Variants in ERC2 observed in about 807,000 individuals in gnomAD.
ERC2 encodes ELKS/RAB6-interacting/CAST family member 2, also known as ERC protein 2.
Under a neutral mutation model 114.8 loss-of-function variants are expected in ERC2, and 42 were observed. The observed-to-expected ratio is 0.37, with a 90% CI of 0.29 to 0.47. ERC2 has a LOEUF of 0.47. Among genes scored for constraint, ERC2 ranks in the 20% least tolerant of loss-of-function variants. The pLI is 0.99. For synonymous variants in ERC2, 454 were observed against 425.5 expected (o/e 1.07, Z -0.82); for missense variants, 939 against 1,150.7 (o/e 0.82, Z 2.66).
intron 3 of ERC2, among the ~76,000 whole-genome samples, chr3:56,280,354 A>G (rs138789097): frequency 6.6e-6 from 1 of 152,320 alleles, no homozygotes; most frequent in East Asian, 1.9e-4. Flanking sequence ...TGTATTGTCT[A>G]AAACCACTAA....
In ERC2 at chr3:55,570,881, A is replaced by T. The variant is rs549008849; in HGVS notation, c.*40-59605T>A. On this transcript the variant is annotated intron_variant, in intron 17 of 17. Transcript: ENST00000288221. ...AGTGGCTCACGCCTGTAATCCCAGC[A>T]CTTTGGGAGGCTGAGGCGGGCGGAT... is the stretch of plus-strand genomic sequence containing the variant. 2.6e-3 allele frequency among the ~76,000 whole-genome samples: 390 copies of T among 152,266 alleles called. 2 individuals carry two copies. The highest frequency in any genetic ancestry group is 6.8e-3 in the Middle Eastern group (2 of 294).
chr3:55,820,160 C>T (rs2060068109), intron 14 of ERC2, among the ~76,000 whole-genome samples: 1 of 152,012 alleles, frequency 6.6e-6, no homozygotes, highest in Admixed American at 6.6e-5. Flanking sequence ...AGTGGAGCCC[C>T]ACATGGAGGG....
At chr3:56,232,288 AC>A (rs1313888268) in intron 3 of ERC2, among the ~76,000 whole-genome samples, 1 of 151,792 alleles carries the variant, frequency 6.6e-6, no homozygotes, top group African/African-American at 2.4e-5. Context: ...TTAATTATAA[AC>A]CAAAACAATC....
At chr3:55,893,319 C>T (rs1423375353) in intron 13 of ERC2, among the ~76,000 whole-genome samples, 1 of 152,100 alleles carries the variant, frequency 6.6e-6, no homozygotes, top group Non-Finnish European at 1.5e-5. Flanking sequence ...CTTGTGACTC[C>T]ATCCTAGAGG....
At chr3:55,561,672 C>T (rs576316228) in intron 17 of ERC2, among the ~76,000 whole-genome samples, 1 of 152,220 alleles carries the variant, frequency 6.6e-6, no homozygotes, top group South Asian at 2.1e-4. Flanking sequence ...GTGGGCTACT[C>T]GCTTTTTTTC....
chr3:56,116,503 G>A (rs1220465551), intron 6 of ERC2, among the ~76,000 whole-genome samples: 1 of 152,130 alleles, frequency 6.6e-6, no homozygotes, highest in East Asian at 1.9e-4. Flanking sequence ...TGTGCATTGG[G>A]ACACTACCAC....
intron 14 of ERC2, among the ~76,000 whole-genome samples, chr3:55,781,416 C>T (rs948820314): frequency 7.9e-5 from 12 of 152,092 alleles, no homozygotes; most frequent in Non-Finnish European, 1.8e-4. Flanking sequence ...TCCATATGAT[C>T]CTAATGGAAG....
At chr3:56,031,492 G>A (rs554282970) in intron 7 of ERC2, among the ~76,000 whole-genome samples, 3 of 152,344 alleles carry the variant, frequency 2.0e-5, no homozygotes, top group Admixed American at 2.0e-4. Flanking sequence ...CAGGCTAACA[G>A]GTGAAGGCCT....
chr3:55,838,048 A>T (rs779432298), intron 14 of ERC2, among the ~76,000 whole-genome samples: 3 of 152,072 alleles, frequency 2.0e-5, no homozygotes, highest in Non-Finnish European at 2.9e-5. Flanking sequence ...ACATTTATGT[A>T]CTTAATAATA....
chr3:56,210,727 C>T (rs527430318), intron 3 of ERC2, among the ~76,000 whole-genome samples: 99 of 152,286 alleles, frequency 6.5e-4, no homozygotes, highest in African/African-American at 2.2e-3. Context: ...GTAATATAAA[C>T]ATAAAATTAT....
chr3:56,314,100 C>T lies in ERC2; in HGVS notation c.658-17665G>A, dbSNP rs76044478. Reference sequence around the variant, plus strand: ...GTTTTAAAGATTTGATTTACTATCCCAAATTAAGATCTCTGACTATGACAT... The same window carrying T: ...GTTTTAAAGATTTGATTTACTATCCTAAATTAAGATCTCTGACTATGACAT... On this transcript the variant is annotated intron_variant, in intron 2 of 17. Coordinates refer to ENST00000288221, the MANE Select transcript of ERC2 (RefSeq NM_015576.3). Among the ~76,000 whole-genome samples the T allele has an allele frequency of 9.0e-3, 1,376 of 152,168 alleles. 18 individuals carry two copies. Among genetic ancestry groups the T allele is most frequent in the African/African-American group, 0.03 (1,254 of 41,504 alleles).
At chr3:55,904,339 A>C (rs1173236487) in intron 13 of ERC2, among the ~76,000 whole-genome samples, 2 of 152,232 alleles carry the variant, frequency 1.3e-5, no homozygotes, top group African/African-American at 4.8e-5. Flanking sequence ...TGATTGCTGC[A>C]CAAGTAAAGC....
intron 17 of ERC2, among the ~76,000 whole-genome samples, chr3:55,662,010 T>TA (rs1334441594): frequency 7.2e-5 from 11 of 152,202 alleles, no homozygotes; most frequent in African/African-American, 2.2e-4. Context: ...CTAAGGTTTT[T>TA]ATATATGAAG....
At chr3:55,514,123 G>A (rs985887753) in intron 17 of ERC2, among the ~76,000 whole-genome samples, 23 of 152,168 alleles carry the variant, frequency 1.5e-4, no homozygotes, top group Admixed American at 7.2e-4. Flanking sequence ...TCAACTAAGC[G>A]AGGTGGCACA....
chr3:56,122,254 C>T (rs560050859), intron 6 of ERC2, among the ~76,000 whole-genome samples: 32 of 152,074 alleles, frequency 2.1e-4, no homozygotes, highest in Non-Finnish European at 4.0e-4. Flanking sequence ...TATTGTATTT[C>T]GTATCCCATA....
intron 14 of ERC2, among the ~76,000 whole-genome samples, chr3:55,742,798 C>T (rs2066050546): frequency 6.6e-6 from 1 of 152,094 alleles, no homozygotes; most frequent in African/African-American, 2.4e-5. Flanking sequence ...GTTCATTTGC[C>T]TAAATTTTAA....
At chr3:56,432,252 T>C (rs538873208) in intron 2 of ERC2, among the ~76,000 whole-genome samples, 2 of 152,312 alleles carry the variant, frequency 1.3e-5, no homozygotes, top group Admixed American at 6.5e-5. Context: ...TGCTCAAAGA[T>C]AAACTTAATG....
chr3:56,140,297 G>A lies in ERC2; in HGVS notation c.1306-621C>T, dbSNP rs926180901. Among the ~76,000 whole-genome samples, 24 of 151,984 alleles carry A rather than the reference G, an allele frequency of 1.6e-4. 1 individual carries two copies. Among genetic ancestry groups the A allele is most frequent in the Admixed American group, 1.4e-3 (21 of 15,250 alleles). On this transcript the variant is annotated intron_variant, in intron 5 of 17. Coordinates refer to ENST00000288221, the MANE Select transcript of ERC2 (RefSeq NM_015576.3). ...CCATTTCTATCTCCTCCCCCCATTT[G>A]GAAATAATTACCACCCCAAATTTTG... is the stretch of plus-strand genomic sequence containing the variant.
intron 7 of ERC2, among the ~76,000 whole-genome samples, chr3:56,032,397 T>C (rs1050019540): frequency 5.3e-5 from 8 of 152,080 alleles, no homozygotes; most frequent in Admixed American, 5.2e-4. Context: ...ATGGGACTTA[T>C]GGGCCGCCAT....
Sources: allele counts gnomAD v4.1 joint callset (sites outside exome capture counted in the v4.1 genomes callset), GRCh38; gene constraint gnomAD v4.1.1; transcripts MANE v1.5; gene names NCBI Gene and HGNC (gene_info 2026-07-23, HGNC 2026-07-21).